CACNA1C: variants seen among roughly 807,000 people sequenced by gnomAD.
CACNA1C encodes calcium voltage-gated channel subunit alpha1 C.
Under a neutral mutation model 229.0 loss-of-function variants are expected in CACNA1C, and 30 were observed. The observed-to-expected ratio is 0.13, with a 90% CI of 0.10 to 0.18. The LOEUF (loss-of-function observed/expected upper bound fraction) is 0.18. Ranked by LOEUF, CACNA1C falls within the 10% of genes least tolerant of loss-of-function variation. The probability of loss-of-function intolerance (pLI) is 1.00; values close to 1 mark genes in which losing one functional copy is unlikely to be tolerated. For synonymous variants in CACNA1C, 1,114 were observed against 1,132.5 expected (o/e 0.98, Z 0.33); for missense variants, 1,658 against 2,845.0 (o/e 0.58, Z 9.49).
intron 3 of CACNA1C, among the ~76,000 whole-genome samples, chr12:2,120,900 C>T (rs774422662): frequency 2.6e-5 from 4 of 152,064 alleles, no homozygotes; most frequent in Non-Finnish European, 4.4e-5. Flanking sequence ...TTTGCTTTTG[C>T]AGCCAACATG....
Position 2,053,527 on chromosome 12 carries a change from C to A in CACNA1C, c.-36C>A. 6.4e-7 allele frequency: 1 copy of A among 1,568,170 alleles called. No homozygotes were observed. The highest frequency in any genetic ancestry group is 8.6e-7 in the Non-Finnish European group (1 of 1,156,236). On this transcript the variant is annotated 5_prime_UTR_variant, in exon 1 of 47. Coordinates refer to ENST00000399655, the MANE Select transcript of CACNA1C (RefSeq NM_000719.7). The surrounding 1 kb of genome is among the most constrained non-coding windows in gnomAD (Gnocchi z 5.8). Reference sequence around the variant, plus strand: ...GGGTGTTTTCACATTTCTTCCTCTTCGTGGCTGCTCCTCCTATTAAAACCA... The same window carrying A: ...GGGTGTTTTCACATTTCTTCCTCTTAGTGGCTGCTCCTCCTATTAAAACCA...
rs563000479 is a variant in CACNA1C, at chr12:2,388,618, G to A, written c.478-60358G>A. ...TGCAGTGCCTATGACGTATCCAAGT[G>A]TAGTTGATCAGTTCATGGTCCATGT... On this transcript the variant is annotated intron_variant, in intron 3 of 46. Transcript: ENST00000399655. Among the ~76,000 whole-genome samples, 13 of 152,348 alleles carry A rather than the reference G, an allele frequency of 8.5e-5. 1 individual carries two copies. In the South Asian group the frequency reaches 2.7e-3, roughly 32 times the overall value.
chr12:1,995,568 C>T (rs2040598323), intron 1 of CACNA1C, among the ~76,000 whole-genome samples: 2 of 152,366 alleles, frequency 1.3e-5, no homozygotes, highest in Non-Finnish European at 2.9e-5. Flanking sequence ...GGCCTTGCCT[C>T]CCATTCCTTC....
chr12:2,459,542 A>G (rs2099485147), intron 5 of CACNA1C, among the ~76,000 whole-genome samples: 1 of 152,192 alleles, frequency 6.6e-6, no homozygotes, highest in African/African-American at 2.4e-5. Flanking sequence ...GCACACAAGC[A>G]CAATTAAAGC....
At chr12:2,047,394 C>T (rs1235447618) in intron 1 of CACNA1C, among the ~76,000 whole-genome samples, 1 of 152,162 alleles carries the variant, frequency 6.6e-6, no homozygotes, top group Non-Finnish European at 1.5e-5. Context: ...GAGGTAGGTA[C>T]CATTATTAGC....
intron 3 of CACNA1C, among the ~76,000 whole-genome samples, chr12:2,197,202 C>T (rs778158010): frequency 1.3e-5 from 2 of 152,144 alleles, no homozygotes; most frequent in African/African-American, 2.4e-5. Context: ...AGAACATACC[C>T]ACCACGCCCT....
intron 3 of CACNA1C, among the ~76,000 whole-genome samples, chr12:2,418,418 G>A (rs370610848): frequency 1.3e-5 from 2 of 152,342 alleles, no homozygotes; most frequent in East Asian, 3.9e-4. Flanking sequence ...TTAGTAGAGA[G>A]AGAGAACCTG....
At chr12:2,257,156 A>T (rs1334441175) in intron 3 of CACNA1C, among the ~76,000 whole-genome samples, 3 of 152,174 alleles carry the variant, frequency 2.0e-5, no homozygotes, top group Non-Finnish European at 2.9e-5. Context: ...AGTTGTTTGT[A>T]ATGGCGGCCA....
intron 3 of CACNA1C, among the ~76,000 whole-genome samples, chr12:2,347,099 A>G (rs552189723): frequency 1.1e-4 from 16 of 152,092 alleles, no homozygotes; most frequent in Non-Finnish European, 1.8e-4. Context: ...TTGCTCCCCT[A>G]TGTTCCTGGA....
At chr12:2,418,530 G>A (rs915421479) in intron 3 of CACNA1C, among the ~76,000 whole-genome samples, 4 of 152,190 alleles carry the variant, frequency 2.6e-5, no homozygotes, top group Non-Finnish European at 5.9e-5. Flanking sequence ...TGGAGGAGAT[G>A]AGTGTTTGAG....
chr12:2,044,951 C>A (rs1466877107), intron 1 of CACNA1C, among the ~76,000 whole-genome samples: 1 of 152,166 alleles, frequency 6.6e-6, no homozygotes. Context: ...AAGGAATAAT[C>A]CAGAATGCAA....
chr12:1,975,564 C>T (rs1370059724), intron 1 of CACNA1C, among the ~76,000 whole-genome samples: 1 of 152,118 alleles, frequency 6.6e-6, no homozygotes, highest in Non-Finnish European at 1.5e-5. Context: ...CAGCTTTTCT[C>T]TGCCAAGAAT....
At position 2,319,409 on chromosome 12, in the gene CACNA1C, G is replaced by A. The variant is rs905729762; in HGVS notation, c.478-129567G>A. The stretch of plus-strand genomic sequence containing the variant: ...GGCGTACATGGGCAGCGTACATGAT[G>A]GCCAGTGTACACGATGAGCAGCCAC... On this transcript the variant is annotated intron_variant, in intron 3 of 46. Transcript: ENST00000399655. The surrounding 1 kb of genome is among the most constrained non-coding windows in gnomAD (Gnocchi z 4.0). Among the ~76,000 whole-genome samples the A allele has an allele frequency of 6.6e-6, 1 of 152,082 alleles. No homozygotes were observed. Among genetic ancestry groups the A allele is most frequent in the Non-Finnish European group, 1.5e-5 (1 of 68,006 alleles).
intron 3 of CACNA1C, among the ~76,000 whole-genome samples, chr12:2,209,171 A>G (rs988418374): frequency 2.0e-5 from 3 of 152,212 alleles, no homozygotes; most frequent in African/African-American, 7.2e-5. Flanking sequence ...GTCACACAGT[A>G]CCACAGTGAA....
intron 3 of CACNA1C, among the ~76,000 whole-genome samples, chr12:2,436,632 G>T (rs1034230822): frequency 2.2e-4 from 33 of 152,196 alleles, no homozygotes; most frequent in African/African-American, 7.2e-4. Flanking sequence ...GCACGCTACT[G>T]CCTTTTCCAC....
chr12:2,188,291 T>C (rs1027555737), intron 3 of CACNA1C, among the ~76,000 whole-genome samples: 1 of 152,264 alleles, frequency 6.6e-6, no homozygotes, highest in African/African-American at 2.4e-5. Context: ...TTGTATTTTT[T>C]ATAATGTTGA....
chr12:2,130,492 C>G (rs1198702903), intron 3 of CACNA1C, among the ~76,000 whole-genome samples: 1 of 126,416 alleles, frequency 7.9e-6, no homozygotes, highest in Non-Finnish European at 1.6e-5. Context: ...TGTGATATTC[C>G]CTTTCCTGTG....
chr12:2,657,213 A>G (rs2153678123), intron 34 of CACNA1C, among the ~76,000 whole-genome samples: 1 of 152,356 alleles, frequency 6.6e-6, no homozygotes, highest in South Asian at 2.1e-4. Context: ...TGAGTTATGA[A>G]CAAGGACATT....
intron 3 of CACNA1C, among the ~76,000 whole-genome samples, chr12:2,243,146 G>A (rs1408312621): frequency 6.6e-6 from 1 of 152,160 alleles, no homozygotes; most frequent in Non-Finnish European, 1.5e-5. Context: ...ACTAATAAGT[G>A]TATGCCCTCC....
Sources: allele counts gnomAD v4.1 joint callset (sites outside exome capture counted in the v4.1 genomes callset), GRCh38; gene constraint gnomAD v4.1.1; non-coding constraint Gnocchi (gnomAD v3.1); transcripts MANE v1.5; gene names NCBI Gene and HGNC (gene_info 2026-07-23, HGNC 2026-07-21).